The following TACC1 variants were observed in gnomAD, a reference collection of about 807,000 sequenced individuals.
TACC1 encodes transforming acidic coiled-coil containing protein 1.
Under a neutral mutation model 84.4 loss-of-function variants are expected in TACC1, and 48 were observed. The observed-to-expected ratio is 0.57, with a 90% confidence interval of 0.45 to 0.72. The LOEUF (loss-of-function observed/expected upper bound fraction) is 0.72. TACC1 is among the 30% of genes least tolerant of loss of function. The probability of loss-of-function intolerance (pLI) is 0.00; values close to 1 mark genes in which losing one functional copy is unlikely to be tolerated. For missense variants in TACC1, 920 were observed against 973.0 expected (o/e 0.95, Z 0.72); for synonymous variants, 372 against 376.3 (o/e 0.99, Z 0.13).
At chr8:38,785,824 C>T (rs957022342), upstream of TACC1, 1 of 549,768 alleles carries the variant, frequency 1.8e-6, no homozygotes, top group Non-Finnish European at 2.3e-6. Context: ...TCTTTATAGT[C>T]GCTAGAACAC....
intron 2 of TACC1, among the ~76,000 whole-genome samples, chr8:38,798,562 G>A (rs1820532542): frequency 6.6e-6 from 1 of 151,686 alleles, no homozygotes; most frequent in South Asian, 2.1e-4. Context: ...GTTTTTTGGA[G>A]GTTAGGAAGG....
At chr8:38,831,659 C>T (rs1193213232) in intron 6 of TACC1, among the ~76,000 whole-genome samples, 4 of 152,124 alleles carry the variant, frequency 2.6e-5, no homozygotes, top group African/African-American at 9.7e-5. Flanking sequence ...CCGCACCCAG[C>T]TAGTTTTTGT....
At chr8:38,785,826 C>A (rs1817031914), upstream of TACC1, 1 of 542,436 alleles carries the variant, frequency 1.8e-6, no homozygotes, top group Admixed American at 6.4e-5. Context: ...TTTATAGTCG[C>A]TAGAACACTC....
At chr8:38,765,858 A>G (rs1812146737) in intron 3 of TACC1, among the ~76,000 whole-genome samples, 1 of 151,650 alleles carries the variant, frequency 6.6e-6, no homozygotes, top group African/African-American at 2.4e-5. Flanking sequence ...GACATCTATA[A>G]CTGAGCTTTT....
chr8:38,820,259 A>C lies in TACC1; in HGVS notation c.1015A>C (p.Arg339=), dbSNP rs1199428751. The change falls in exon 3 of 13, where the codon AGG becomes CGG. Residue 339 remains arginine (R), a synonymous_variant. Transcript: ENST00000317827. The part of the protein sequence containing the change: ...GNIEARKALP[R]KLGRKLGSTL... Reference sequence around the variant, plus strand: ...CATAGAGGCCAGGAAAGCCCTTCCAAGGAAGCTTGGCAGGAAACTGGGTAG... The same window carrying C: ...CATAGAGGCCAGGAAAGCCCTTCCACGGAAGCTTGGCAGGAAACTGGGTAG... The C allele has an allele frequency of 5.6e-6, 9 of 1,614,158 alleles. No homozygotes were observed. In the South Asian group the frequency reaches 9.9e-5, roughly 18 times the overall value.
At chr8:38,761,727 G>A (rs1362664918) in intron 3 of TACC1, among the ~76,000 whole-genome samples, 1 of 152,208 alleles carries the variant, frequency 6.6e-6, no homozygotes, top group Non-Finnish European at 1.5e-5. Context: ...GTCATTAAAA[G>A]CATGTCAGTT....
intron 1 of TACC1, among the ~76,000 whole-genome samples, chr8:38,739,516 A>G (rs1433576180): frequency 6.6e-6 from 1 of 152,236 alleles, no homozygotes; most frequent in Non-Finnish European, 1.5e-5. Flanking sequence ...TTAGGTCAAC[A>G]GTTTTTCCCT....
chr8:38,815,456 G>A (rs1194366319), intron 2 of TACC1, among the ~76,000 whole-genome samples: 1 of 152,058 alleles, frequency 6.6e-6, no homozygotes, highest in African/African-American at 2.4e-5. Context: ...TTTCACTCTT[G>A]TTGCCCAGAC....
chr8:38,783,994 C>G (rs905374785), upstream of TACC1, among the ~76,000 whole-genome samples: 1 of 152,224 alleles, frequency 6.6e-6, no homozygotes, highest in Non-Finnish European at 1.5e-5. Context: ...GATTAGACAT[C>G]ATCATGCCCT....
chr8:38,797,757 A>G (rs934194732), intron 2 of TACC1, among the ~76,000 whole-genome samples: 1 of 152,240 alleles, frequency 6.6e-6, no homozygotes, highest in African/African-American at 2.4e-5. Flanking sequence ...AACAGATTGA[A>G]GTTACACAAT....
At chr8:38,767,380 G>A (rs1198460707) in intron 3 of TACC1, among the ~76,000 whole-genome samples, 1 of 152,222 alleles carries the variant, frequency 6.6e-6, no homozygotes, top group Admixed American at 6.5e-5. Context: ...CCATAGTAAT[G>A]GCACTTGGGA....
chr8:38,752,566 A>C (rs1809242444), intron 3 of TACC1, among the ~76,000 whole-genome samples: 2 of 152,184 alleles, frequency 1.3e-5, no homozygotes, highest in Non-Finnish European at 2.9e-5. Context: ...GTGCGAGTGG[A>C]AACCTTAACC....
chr8:38,788,775 G>A lies in TACC1; in HGVS notation c.233G>A (p.Cys78Tyr). 1.2e-6 allele frequency: 2 copies of A among 1,613,884 alleles called. No homozygotes were observed. The highest frequency in any genetic ancestry group is 8.5e-7 in the Non-Finnish European group (1 of 1,179,882). Residue 78 changes from cysteine to tyrosine, a missense_variant, in exon 2 of 13, where the codon TGT (cysteine) becomes TAT (tyrosine). Physicochemically the swap from Cys to Tyr is radical, Grantham distance 194. This residue lies in a region of TACC1 where 762 missense variants were observed against 747.3 expected (regional missense o/e 1.02). Transcript: ENST00000317827. ...ATCCGATCACCTTTCAAGGAGTCCT[G>A]TGATCCATCACTCGGATTGGCAGGA... ...TPIRSPFKES[C>Y]DPSLGLAGPG...
rs746166393 is a variant in TACC1, at chr8:38,851,633, TCTGA to T, written c.*3614_*3617del. On this transcript the variant is annotated 3_prime_UTR_variant, in exon 13 of 13. Transcript: ENST00000317827. ...ATTGGTAGCCATCTCATGAACTGTC[TCTGA>T]CTGTTGTCTCTTTGTGGTCATGTGA... 1 of 276,548 alleles carries T rather than the reference TCTGA, an allele frequency of 3.6e-6. No homozygotes were observed. The highest frequency in any genetic ancestry group is 2.2e-5 in the African/African-American group (1 of 45,148). The allele number at this position is 276,548 out of a possible 1,614,324, so 17.1% of individuals were successfully genotyped here.
chr8:38,789,884 G>A lies in TACC1; in HGVS notation c.277+1065G>A, dbSNP rs369601633. ...GAGAGCAGGAGGAGCTGAAGTCAGC[G>A]TGGTCAGAGGAGGTCCAGATGCTGC... On this transcript the variant is annotated intron_variant, in intron 2 of 12. Transcript: ENST00000317827. Among the ~76,000 whole-genome samples the A allele has an allele frequency of 1.4e-4, 22 of 152,326 alleles. No individual in the cohort carries two copies. The East Asian group carries it at 2.1e-3, about 15-fold the overall frequency.
chr8:38,820,070 A>G lies in TACC1; in HGVS notation c.826A>G (p.Ser276Gly), dbSNP rs547891929. 43 of 1,614,172 alleles carry G rather than the reference A, an allele frequency of 2.7e-5. No homozygotes were observed. In the South Asian group the frequency reaches 4.2e-4, roughly 16 times the overall value. Residue 276 changes from serine to glycine, a missense_variant, in exon 3 of 13, where the codon AGT becomes GGT. Physicochemically the swap from Ser to Gly is moderately conservative, Grantham distance 56. This residue lies in a region of TACC1 where 762 missense variants were observed against 747.3 expected (regional missense o/e 1.02). Transcript: ENST00000317827. ...TCCTGAAGAGTTGGATGAGAACACA[A>G]GTCCTTTGCTAGGAGATGCCAGGTT... ...FSPEELDENT[S>G]PLLGDARFQK...
rs922361789 is a variant in TACC1, at chr8:38,852,590, G to C, written c.*4567G>C. On this transcript the variant is annotated 3_prime_UTR_variant, in exon 13 of 13. Coordinates refer to ENST00000317827, the MANE Select transcript of TACC1 (RefSeq NM_006283.3). ...ATCCCCAGTCCAGATACAGGGCAGC[G>C]TGTAGGTGACCACACCAGAGCCTCA... 1 of 152,662 alleles carries C rather than the reference G, an allele frequency of 6.6e-6. No homozygotes were observed. Among genetic ancestry groups the C allele is most frequent in the African/African-American group, 2.4e-5 (1 of 41,452 alleles). The allele number at this position is 152,662 out of a possible 1,614,324, so 9.5% of individuals were successfully genotyped here. A position where few individuals can be genotyped will look rare whatever the true frequency, so the allele number is the denominator to read the frequency against.
At chr8:38,832,743 A>G (rs1008540764) in intron 6 of TACC1, among the ~76,000 whole-genome samples, 1 of 152,228 alleles carries the variant, frequency 6.6e-6, no homozygotes, top group Non-Finnish European at 1.5e-5. Flanking sequence ...ATGTTTTAAA[A>G]GGTGAGTTCA....
chr8:38,803,743 CTTTG>C (rs904771701), intron 2 of TACC1, among the ~76,000 whole-genome samples: 1 of 151,888 alleles, frequency 6.6e-6, no homozygotes, highest in Non-Finnish European at 1.5e-5. Flanking sequence ...CTTGTGATTC[CTTTG>C]TTTGGTTTTG....
Sources: allele counts gnomAD v4.1 joint callset (sites outside exome capture counted in the v4.1 genomes callset), GRCh38; gene constraint gnomAD v4.1.1; regional missense constraint gnomAD v4.1.1; transcripts MANE v1.5; gene names NCBI Gene and HGNC (gene_info 2026-07-23, HGNC 2026-07-21).